DYNC1I1: variants seen among roughly 807,000 people sequenced by gnomAD.
The protein encoded by DYNC1I1 is dynein cytoplasmic 1 intermediate chain 1.
In DYNC1I1, 43 loss-of-function variants were observed where a neutral mutation model predicts 86.6. That is an observed-to-expected ratio of 0.50 (90% CI 0.39 to 0.64). The LOEUF (loss-of-function observed/expected upper bound fraction) is 0.64, where lower values mean the gene tolerates loss of function less well. Among genes scored for constraint, DYNC1I1 ranks in the 30% least tolerant of loss-of-function variants. The probability of loss-of-function intolerance (pLI) is 0.00; values close to 1 mark genes in which losing one functional copy is unlikely to be tolerated. For missense variants in DYNC1I1, 604 were observed against 788.8 expected, an observed-to-expected ratio of 0.77 and a Z score of 2.81; for synonymous variants, 262 against 283.7, an observed-to-expected ratio of 0.92 and a Z score of 0.77.
chr7:95,941,119 CG>C (rs1562950522), intron 6 of DYNC1I1, among the ~76,000 whole-genome samples: 1 of 152,152 alleles, frequency 6.6e-6, no homozygotes, highest in Non-Finnish European at 1.5e-5. Flanking sequence ...AGTGGGTTTT[CG>C]TGAACCGCCT....
At chr7:96,110,216 C>CTTTGG (rs1791292384), downstream of DYNC1I1, 1 of 274,994 alleles carries the variant, frequency 3.6e-6, no homozygotes, top group African/African-American at 2.4e-5. Flanking sequence ...TTATTAGGTG[C>CTTTGG]CTACATATTG....
rs558782210 is a variant in DYNC1I1 at position 95,870,372 on chromosome 7, A to G, written c.490+374A>G. 2.0e-4 allele frequency among the ~76,000 whole-genome samples: 9 copies of G among 46,064 alleles called. No homozygotes were observed. In the South Asian group the frequency reaches 0.013, roughly 64 times the overall value. The allele number at this position is 46,064 out of a possible 152,430, so 30.2% of individuals were successfully genotyped here. On this transcript the variant is annotated intron_variant, in intron 6 of 16. Transcript: ENST00000447467. ...TTAAGATTCATCATTTACATGGCTT[A>G]GCAAACTATAGCCCACCCACCTGTT...
chr7:95,793,430 C>T (rs1373104190), intron 1 of DYNC1I1, among the ~76,000 whole-genome samples: 4 of 151,988 alleles, frequency 2.6e-5, no homozygotes, highest in African/African-American at 9.7e-5. Context: ...ATGAGGCCAC[C>T]ACCCAGAAGT....
intron 14 of DYNC1I1, among the ~76,000 whole-genome samples, chr7:96,062,325 G>GACA (rs1789806196): frequency 6.6e-6 from 1 of 152,198 alleles, no homozygotes; most frequent in African/African-American, 2.4e-5. Flanking sequence ...TCCGGAGACA[G>GACA]ACATGTTTTG....
At chr7:96,091,610 A>C (rs951061724) in intron 16 of DYNC1I1, among the ~76,000 whole-genome samples, 1 of 152,348 alleles carries the variant, frequency 6.6e-6, no homozygotes, top group East Asian at 1.9e-4. Flanking sequence ...TATTTTTACT[A>C]TGAAAAATAT....
At chr7:95,887,354 C>T (rs76282704) in intron 6 of DYNC1I1, among the ~76,000 whole-genome samples, 3,792 of 152,214 alleles carry the variant, frequency 0.025, 131 homozygotes, top group African/African-American at 0.078. Flanking sequence ...TTTATACTAA[C>T]GCCCTTCCTT....
At chr7:96,049,890 A>G (rs907855366) in intron 14 of DYNC1I1, among the ~76,000 whole-genome samples, 2 of 151,740 alleles carry the variant, frequency 1.3e-5, no homozygotes, top group African/African-American at 4.8e-5. Flanking sequence ...AAAATTAGCC[A>G]CGCATGATGG....
chr7:95,869,978 T>C lies in DYNC1I1; in HGVS notation c.470T>C (p.Leu157Pro). 6.2e-7 allele frequency: 1 copy of C among 1,613,824 alleles called. No homozygotes were observed. The highest frequency in any genetic ancestry group is 8.5e-7 in the Non-Finnish European group (1 of 1,179,888). The change falls in exon 6 of 17, where the codon CTT becomes CCT. Residue 157 changes from leucine (L) to proline (P), a missense_variant. Physicochemically the swap from Leu to Pro is moderately conservative, Grantham distance 98 (BLOSUM62 -3). Coordinates refer to ENST00000447467, the MANE Select transcript of DYNC1I1 (RefSeq NM_001135556.2). ...VSYSKETQTP[L>P]ATHQSEEDEE... is the part of the protein sequence containing the mutation. ...TACTCAAAGGAGACCCAGACTCCTC[T>C]TGCCACGCATCAGTCTGAAGGTAAA...
At chr7:96,002,845 T>G (rs868434498) in intron 10 of DYNC1I1, among the ~76,000 whole-genome samples, 51 of 152,008 alleles carry the variant, frequency 3.4e-4, no homozygotes, top group Middle Eastern at 6.8e-3. Flanking sequence ...TTTGTGTTTT[T>G]TTTGTTTGTT....
chr7:95,931,441 G>A (rs541471115), intron 6 of DYNC1I1, among the ~76,000 whole-genome samples: 8 of 152,116 alleles, frequency 5.3e-5, no homozygotes, highest in Admixed American at 2.0e-4. Flanking sequence ...GAGCCACTGC[G>A]CCCGGCCTAT....
chr7:96,108,254 T>C (rs993361137), intron 16 of DYNC1I1, among the ~76,000 whole-genome samples: 4 of 152,198 alleles, frequency 2.6e-5, no homozygotes, highest in Non-Finnish European at 4.4e-5. Context: ...AGTGTATGTT[T>C]ACTGTCCTGC....
intron 10 of DYNC1I1, among the ~76,000 whole-genome samples, chr7:96,023,511 A>G (rs1794604145): frequency 6.6e-6 from 1 of 152,180 alleles, no homozygotes; most frequent in African/African-American, 2.4e-5. Flanking sequence ...TAGCTCCACA[A>G]AATAGAAAAC....
chr7:95,936,213 TAAAG>T (rs1291950778), intron 6 of DYNC1I1, among the ~76,000 whole-genome samples: 2 of 152,032 alleles, frequency 1.3e-5, no homozygotes, highest in South Asian at 4.1e-4. Context: ...TCATATAAAA[TAAAG>T]AACTCATAAG....
chr7:96,097,523 G>C lies in DYNC1I1; in HGVS notation c.1817G>C (p.Arg606Thr). ...PHNDEWTRFA[R>T]TLVEIRANRA... ...AATGATGAATGGACCCGATTTGCCA[G>C]GACCCTTGTGGAAATTCGTGCTAAC... Residue 606 changes from arginine (R) to threonine (T), a missense_variant, in exon 17 of 17, where the codon AGG becomes ACG. Physicochemically the swap from Arg to Thr is moderately conservative, Grantham distance 71. Transcript: ENST00000447467. 6.2e-7 allele frequency: 1 copy of C among 1,613,818 alleles called. No homozygotes were observed. The highest frequency in any genetic ancestry group is 1.1e-5 in the South Asian group (1 of 91,068).
At chr7:95,777,473 C>G (rs1028879621) in intron 1 of DYNC1I1, among the ~76,000 whole-genome samples, 2 of 152,190 alleles carry the variant, frequency 1.3e-5, no homozygotes, top group African/African-American at 4.8e-5. Context: ...GCTTCTAAAT[C>G]CTGGGAGGGG....
At position 96,097,492 on chromosome 7, in the gene DYNC1I1, C is replaced by G. The variant is rs772757314; in HGVS notation, c.1786C>G (p.Pro596Ala). Residue 596 changes from proline (P) to alanine (A), a missense_variant, in exon 17 of 17, where the codon CCC (proline) becomes GCC (alanine). Physicochemically the swap from Pro to Ala is conservative, Grantham distance 27. Coordinates refer to ENST00000447467, the MANE Select transcript of DYNC1I1 (RefSeq NM_001135556.2). ...TTGATTTGCTTTGCAGCTTGCAGTT[C>G]CCCACAATGATGAATGGACCCGATT... ...WVYDVGELAV[P>A]HNDEWTRFAR... is the part of the protein sequence containing the mutation. 4 of 1,613,626 alleles carry G rather than the reference C, an allele frequency of 2.5e-6. No homozygotes were observed. The highest frequency in any genetic ancestry group is 1.7e-4 in the Middle Eastern group (1 of 6,056).
At chr7:96,102,031 A>ATCAC (rs1791144159), downstream of DYNC1I1, among the ~76,000 whole-genome samples, 1 of 151,820 alleles carries the variant, frequency 6.6e-6, no homozygotes, top group Non-Finnish European at 1.5e-5. Flanking sequence ...ACCAAGTAAG[A>ATCAC]TCACTGATCA....
chr7:95,918,227 A>G (rs891118728), intron 6 of DYNC1I1, among the ~76,000 whole-genome samples: 2 of 152,138 alleles, frequency 1.3e-5, no homozygotes, highest in Non-Finnish European at 2.9e-5. Context: ...ATTACATTAA[A>G]TAAGGAAGTC....
chr7:96,108,910 A>G (rs2116358332), intron 16 of DYNC1I1, among the ~76,000 whole-genome samples: 1 of 152,094 alleles, frequency 6.6e-6, no homozygotes, highest in African/African-American at 2.4e-5. Flanking sequence ...GTAGTTAAAT[A>G]CAAGCATTCA....
Sources: allele counts gnomAD v4.1 joint callset (sites outside exome capture counted in the v4.1 genomes callset), GRCh38; gene constraint gnomAD v4.1.1; transcripts MANE v1.5; gene names NCBI Gene and HGNC (gene_info 2026-07-23, HGNC 2026-07-21).